C9: variants seen among roughly 807,000 people sequenced by gnomAD.
C9 encodes the protein complement component C9.
Under a neutral mutation model 65.4 loss-of-function variants are expected in C9, and 63 were observed. The observed-to-expected ratio is 0.96, with a 90% CI of 0.79 to 1.19. The LOEUF is 1.19. Ranked by LOEUF, C9 falls within the 50% of genes most tolerant of loss-of-function variation. The pLI, the probability that C9 is intolerant of heterozygous loss-of-function variation, is 0.00. For synonymous variants in C9, 229 were observed against 227.9 expected, an observed-to-expected ratio of 1.00 and a Z score of -0.04; for missense variants, 744 against 670.1, an observed-to-expected ratio of 1.11 and a Z score of -1.22.
chr5:39,337,038 T>G (rs1364960702), intron 4 of C9, among the ~76,000 whole-genome samples: 3 of 152,022 alleles, frequency 2.0e-5, no homozygotes, highest in African/African-American at 7.2e-5. Context: ...AGGAGTATAC[T>G]CTGCTCTTAA....
At chr5:39,334,265 C>G (rs966083074) in intron 4 of C9, among the ~76,000 whole-genome samples, 1 of 151,468 alleles carries the variant, frequency 6.6e-6, no homozygotes, top group South Asian at 2.1e-4. Context: ...AGCCCTGCCG[C>G]CCCGTCTGGG....
intron 1 of C9, among the ~76,000 whole-genome samples, chr5:39,362,242 A>T (rs543219588): frequency 2.6e-4 from 39 of 152,280 alleles, no homozygotes; most frequent in African/African-American, 9.1e-4. Flanking sequence ...GTCTTTACAG[A>T]GGTAATCAAG....
At chr5:39,289,787 G>T (rs1030129828) in intron 9 of C9, among the ~76,000 whole-genome samples, 1 of 151,740 alleles carries the variant, frequency 6.6e-6, no homozygotes, top group East Asian at 1.9e-4. Context: ...ATGAACTAAA[G>T]GCATATGTAA....
rs1352934638 is a variant in C9, at chr5:39,295,215, G to A, written c.1417-6264C>T. Among the ~76,000 whole-genome samples, 3 of 151,748 alleles carry A rather than the reference G, an allele frequency of 2.0e-5. No homozygotes were observed. The South Asian group carries it at 6.2e-4, about 31-fold the overall frequency. On this transcript the variant is annotated intron_variant, in intron 9 of 10. Coordinates refer to ENST00000263408, the MANE Select transcript of C9 (RefSeq NM_001737.5). ...CTGGAAATCCGAGCCAGAGCACTTA[G>A]GCAAGAGAAAGAAATAAAGGACACC...
rs576764220 is a variant in C9 at position 39,288,241 on chromosome 5, A to G, written c.1645+482T>C. On this transcript the variant is annotated intron_variant, in intron 10 of 10. Coordinates refer to ENST00000263408, the MANE Select transcript of C9 (RefSeq NM_001737.5). ...TGACTGTATCTGAGTAGTAGAAGAG[A>G]GAAAAGGCAATAGAATTTTTTTGGG... Among the ~76,000 whole-genome samples, 7 of 152,020 alleles carry G rather than the reference A, an allele frequency of 4.6e-5. No homozygotes were observed. The East Asian group carries it at 1.4e-3, about 29-fold the overall frequency.
rs766557772 is a variant in C9, at chr5:39,311,181, T to C, written c.1067A>G (p.Tyr356Cys). The change falls in exon 7 of 11, where the codon TAT becomes TGT. Residue 356 changes from tyrosine (Y) to cysteine (C), a missense_variant. By Grantham distance (194) the Tyr-to-Cys change is radical. Coordinates refer to ENST00000263408, the MANE Select transcript of C9 (RefSeq NM_001737.5). Reference protein sequence around the residue: ...YSSSGSLGGLYELIYVLDKAS... With the variant: ...YSSSGSLGGLCELIYVLDKAS... ...TTTATCCAAAACATATATTAGTTCA[T>C]AGAGTCCTCCTAGAGACCCAGAGCT... 18 of 1,613,318 alleles carry C rather than the reference T, an allele frequency of 1.1e-5. No individual in the cohort carries two copies. The Middle Eastern group carries it at 8.3e-4, about 74-fold the overall frequency.
chr5:39,344,151 C>A (rs1377074899), intron 1 of C9, among the ~76,000 whole-genome samples: 2 of 152,230 alleles, frequency 1.3e-5, no homozygotes, highest in South Asian at 4.1e-4. Context: ...TCCTCACCAG[C>A]AATGGAACAA....
intron 6 of C9, among the ~76,000 whole-genome samples, chr5:39,311,627 C>G (rs889251722): frequency 3.3e-5 from 5 of 152,154 alleles, no homozygotes; most frequent in African/African-American, 1.2e-4. Flanking sequence ...CTGTGTGGCA[C>G]TTTCCCATAG....
chr5:39,303,038 T>C (rs1753310507), intron 9 of C9, among the ~76,000 whole-genome samples: 1 of 152,188 alleles, frequency 6.6e-6, no homozygotes, highest in African/African-American at 2.4e-5. Context: ...AGGAAGCCAA[T>C]ATTGTAGCTG....
chr5:39,296,920 T>C (rs1023713345), intron 9 of C9, among the ~76,000 whole-genome samples: 2 of 150,780 alleles, frequency 1.3e-5, no homozygotes, highest in Admixed American at 1.3e-4. Context: ...GAACAGAGGA[T>C]ACTAGAGGTT....
intron 1 of C9, among the ~76,000 whole-genome samples, chr5:39,342,820 C>A (rs1407375398): frequency 6.6e-6 from 1 of 152,138 alleles, no homozygotes; most frequent in Non-Finnish European, 1.5e-5. Flanking sequence ...CTTATGCCTC[C>A]CTTTCCACCC....
intron 5 of C9, among the ~76,000 whole-genome samples, chr5:39,320,432 G>C (rs1039796593): frequency 6.6e-6 from 1 of 152,092 alleles, no homozygotes. Context: ...CTATCACACA[G>C]AAGAAAGAAT....
At position 39,308,263 on chromosome 5, in the gene C9, C is replaced by G; in HGVS notation, c.1207G>C (p.Asp403His). ...EISVGAEFNK[D>H]DCVKRGEGRA... ...CCCTCTCCCCTCTTTACACAATCAT[C>G]TTTATTAAATTCAGCTCCAACAGAG... The change falls in exon 8 of 11, where the codon GAT (aspartate) becomes CAT (histidine). Residue 403 changes from aspartate to histidine, a missense_variant. Physicochemically the swap from Asp to His is moderately conservative, Grantham distance 81. Coordinates refer to ENST00000263408, the MANE Select transcript of C9 (RefSeq NM_001737.5). 1 of 1,612,856 alleles carries G rather than the reference C, an allele frequency of 6.2e-7. No individual in the cohort carries two copies. The highest frequency in any genetic ancestry group is 8.5e-7 in the Non-Finnish European group (1 of 1,178,922).
chr5:39,353,046 G>C (rs1029276491), intron 1 of C9, among the ~76,000 whole-genome samples: 9 of 152,094 alleles, frequency 5.9e-5, no homozygotes, highest in Non-Finnish European at 1.3e-4. Flanking sequence ...GGGTGAGAGA[G>C]ATGTGAAGAC....
chr5:39,317,046 G>T (rs1407825532), intron 5 of C9, among the ~76,000 whole-genome samples: 1 of 152,124 alleles, frequency 6.6e-6, no homozygotes, highest in Non-Finnish European at 1.5e-5. Context: ...ATTCTGACTG[G>T]TTTGAGATGG....
chr5:39,329,970 G>A (rs1034999233), intron 5 of C9, among the ~76,000 whole-genome samples: 1 of 152,110 alleles, frequency 6.6e-6, no homozygotes, highest in Non-Finnish European at 1.5e-5. Context: ...TTGAATAAGG[G>A]GATTATCAGC....
intron 5 of C9, among the ~76,000 whole-genome samples, chr5:39,318,854 C>A (rs1753619145): frequency 6.6e-6 from 1 of 152,154 alleles, no homozygotes; most frequent in African/African-American, 2.4e-5. Context: ...AGCAAACTAA[C>A]CATTGCCACT....
Position 39,364,413 on chromosome 5 carries a change from T to A in C9, c.52A>T (p.Ile18Phe). 1.2e-6 allele frequency: 2 copies of A among 1,605,552 alleles called. No individual in the cohort carries two copies. Among genetic ancestry groups the A allele is most frequent in the African/African-American group, 1.3e-5 (1 of 74,844 alleles). The change falls in exon 1 of 11, where the codon ATC becomes TTC. Residue 18 changes from isoleucine (I) to phenylalanine (F), a missense_variant. By Grantham distance (21) the Ile-to-Phe change is conservative. Transcript: ENST00000263408. The stretch of plus-strand genomic sequence containing the variant: ...CTGGTCGTGTACTGTGCTGTGAGGA[T>A]GCTTATTTCTAAAATGCAGATTGCA... ...AVAICILEIS[I>F]LTAQYTTSYD...
intron 1 of C9, among the ~76,000 whole-genome samples, chr5:39,359,475 G>A (rs1754477055): frequency 1.3e-5 from 2 of 152,078 alleles, no homozygotes; most frequent in African/African-American, 4.8e-5. Flanking sequence ...TAGATGTGAT[G>A]TTGTCAGAAT....
Sources: allele counts gnomAD v4.1 joint callset (sites outside exome capture counted in the v4.1 genomes callset), GRCh38; gene constraint gnomAD v4.1.1; transcripts MANE v1.5; gene names NCBI Gene and HGNC (gene_info 2026-07-23, HGNC 2026-07-21).